MGST1: variants seen among roughly 807,000 people sequenced by gnomAD.
MGST1 encodes microsomal glutathione S-transferase 1, also known as glutathione S-transferase 12.
A neutral mutation model predicts 8.9 loss-of-function variants in MGST1; 5 were observed. The ratio of observed to expected loss-of-function variants is 0.56; its 90% CI spans 0.29 to 1.19. The LOEUF (loss-of-function observed/expected upper bound fraction) is 1.19. MGST1 is among the 50% of genes most tolerant of loss of function. MGST1 has a pLI of 0.08. For missense variants in MGST1, 182 were observed against 187.4 expected, an observed-to-expected ratio of 0.97 and a Z score of 0.17; for synonymous variants, 54 against 67.8, an observed-to-expected ratio of 0.80 and a Z score of 1.00.
At chr12:16,472,574 T>C (rs558324544) in intron 4 of MGST1, among the ~76,000 whole-genome samples, 41 of 152,260 alleles carry the variant, frequency 2.7e-4, no homozygotes, top group Non-Finnish European at 5.6e-4. Flanking sequence ...ATTTCCAGCC[T>C]CCAGAATGAT....
Position 16,401,786 on chromosome 12 carries a change from A to G in MGST1, n.778+18182A>G, listed in dbSNP as rs539943681. On this transcript the variant is annotated intron_variant and non_coding_transcript_variant, in intron 1 of 1. Transcript: ENST00000359720. This position sits in a 1 kb window ranked among gnomAD's most constrained non-coding sequence, Gnocchi z 4.3. ...CAGACTCAGCCAGTTTGCTGTGTCA[A>G]ACTTTCTCATCTGCATCAACTATTT... 8.7e-6 allele frequency: 14 copies of G among 1,603,000 alleles called. No homozygotes were observed. The highest frequency in any genetic ancestry group is 6.7e-5 in the African/African-American group (5 of 74,846).
chr12:16,402,844 C>A (rs145892602), intron 1 of MGST1, among the ~76,000 whole-genome samples: 5 of 151,202 alleles, frequency 3.3e-5, no homozygotes, highest in Admixed American at 3.3e-4. Flanking sequence ...CCACTGTTTG[C>A]CGCATTATGT....
intron 4 of MGST1, among the ~76,000 whole-genome samples, chr12:16,572,953 T>C (rs1366478533): frequency 6.6e-6 from 1 of 151,750 alleles, no homozygotes; most frequent in Non-Finnish European, 1.5e-5. Flanking sequence ...AAATAGGAAA[T>C]TATAAATATG....
chr12:16,563,330 C>T (rs1942470511), intron 4 of MGST1, among the ~76,000 whole-genome samples: 1 of 151,910 alleles, frequency 6.6e-6, no homozygotes, highest in African/African-American at 2.4e-5. Flanking sequence ...TGGGACAAAC[C>T]CAGGATTCTC....
chr12:16,358,779 CTTTTTTTTTTT>C (rs35081887), intron 3 of MGST1, among the ~76,000 whole-genome samples: 6 of 57,574 alleles, frequency 1.0e-4, no homozygotes, highest in Admixed American at 2.6e-4. Flanking sequence ...AAATTCATTC[CTTTTTTTTTTT>C]TTTTTTTTTT....
At chr12:16,567,068 C>T (rs986636038) in intron 4 of MGST1, among the ~76,000 whole-genome samples, 5 of 152,052 alleles carry the variant, frequency 3.3e-5, no homozygotes, top group Non-Finnish European at 5.9e-5. Context: ...TGTTGGCAGG[C>T]GCCTGTATTT....
chr12:16,500,901 C>T lies in MGST1; in HGVS notation n.483-88627C>T, dbSNP rs532509306. Among the ~76,000 whole-genome samples the T allele has an allele frequency of 5.3e-5, 8 of 151,992 alleles. No homozygotes were observed. The highest frequency in any genetic ancestry group is 7.4e-5 in the Non-Finnish European group (5 of 67,978). ...CAGGCGGATCACAAGGTCAAGAGAT[C>T]GAGACCATCCTGGCCAAAATGGTGA... On this transcript the variant is annotated intron_variant and non_coding_transcript_variant, in intron 4 of 4. Coordinates refer to the MGST1 transcript ENST00000538857. This position sits in a 1 kb window ranked among gnomAD's most constrained non-coding sequence, Gnocchi z 4.3.
intron 4 of MGST1, among the ~76,000 whole-genome samples, chr12:16,448,573 G>A (rs1028356941): frequency 2.0e-5 from 3 of 151,846 alleles, no homozygotes; most frequent in Non-Finnish European, 4.4e-5. Flanking sequence ...AAATTCAGAA[G>A]ACTTGTCTGG....
chr12:16,451,815 T>C (rs1223572370), intron 4 of MGST1, among the ~76,000 whole-genome samples: 1 of 151,916 alleles, frequency 6.6e-6, no homozygotes, highest in East Asian at 1.9e-4. Flanking sequence ...TTTCAATAAG[T>C]AATCAATTTG....
intron 1 of MGST1, among the ~76,000 whole-genome samples, chr12:16,422,825 A>T (rs867176472): frequency 6.6e-6 from 1 of 152,160 alleles, no homozygotes; most frequent in Admixed American, 6.5e-5. Context: ...CCTTTCCTGT[A>T]TATGAGCTCC....
In MGST1 at chr12:16,416,920, G is replaced by T. The variant is rs575843069; in HGVS notation, n.779-20468G>T. Among the ~76,000 whole-genome samples the T allele has an allele frequency of 6.6e-5, 10 of 152,130 alleles. No individual in the cohort carries two copies. In the South Asian group the frequency reaches 1.0e-3, roughly 16 times the overall value. On this transcript the variant is annotated intron_variant and non_coding_transcript_variant, in intron 1 of 1. Transcript: ENST00000359720. ...CAACTGCAGTATATCCAGATCAAAA[G>T]TGTGGACCAAAAGCATGCATTGGAA...
downstream of MGST1, among the ~76,000 whole-genome samples, chr12:16,366,057 T>C (rs1940182350): frequency 6.6e-6 from 1 of 152,132 alleles, no homozygotes; most frequent in African/African-American, 2.4e-5. This position sits in a 1 kb window ranked among gnomAD's most constrained non-coding sequence, Gnocchi z 4.0. Context: ...CTTCTCTGAG[T>C]AGAAGCAGAA....
chr12:16,363,681 T>C lies in MGST1; in HGVS notation c.222-114T>C, dbSNP rs923806477. 7 of 889,298 alleles carry C rather than the reference T, an allele frequency of 7.9e-6. No individual in the cohort carries two copies. In the African/African-American group the frequency reaches 1.0e-4, roughly 13 times the overall value. 55.1% of individuals were successfully genotyped at this position (889,298 alleles called of 1,614,324 possible). A position where few individuals can be genotyped will look rare whatever the true frequency, so the allele number is the denominator to read the frequency against. On this transcript the variant is annotated intron_variant, in intron 3 of 3. Coordinates refer to ENST00000396210, the MANE Select transcript of MGST1 (RefSeq NM_020300.5). This position sits in a 1 kb window ranked among gnomAD's most constrained non-coding sequence, Gnocchi z 4.6. ...TTGAGAGAAAAAAAATAAATCTTAC[T>C]TTGAAATTTAAGGATCCATTAGTGC...
chr12:16,571,230 G>T (rs1198324632), intron 4 of MGST1, among the ~76,000 whole-genome samples: 10 of 152,184 alleles, frequency 6.6e-5, no homozygotes, highest in Non-Finnish European at 1.5e-4. Context: ...TGTTATCACA[G>T]ATATTCATCC....
chr12:16,507,566 A>G (rs1237416770), intron 4 of MGST1, among the ~76,000 whole-genome samples: 1 of 152,140 alleles, frequency 6.6e-6, no homozygotes, highest in Non-Finnish European at 1.5e-5. Context: ...GAGACTGGGT[A>G]ATTTATGAAG....
At chr12:16,445,725 A>C (rs916635661) in intron 4 of MGST1, among the ~76,000 whole-genome samples, 13 of 151,974 alleles carry the variant, frequency 8.6e-5, no homozygotes, top group Non-Finnish European at 1.6e-4. Flanking sequence ...GGCAGCTATA[A>C]TCAGGGCTAC....
chr12:16,399,237 C>G, intron 1 of MGST1: 1 of 1,555,442 alleles, frequency 6.4e-7, no homozygotes, highest in South Asian at 1.1e-5. Flanking sequence ...CAGGGTTTGG[C>G]TAGAGGAAGA....
intron 1 of MGST1, among the ~76,000 whole-genome samples, chr12:16,436,507 C>G (rs192716001): frequency 2.9e-4 from 43 of 149,822 alleles, no homozygotes; most frequent in African/African-American, 1.0e-3. Flanking sequence ...GCTTGGCACT[C>G]AATAGAAACT....
chr12:16,545,496 A>G lies in MGST1; in HGVS notation n.483-44032A>G, dbSNP rs887808507. ...AGTTTTAAAATATCAAAGACAAATA[A>G]CATACTCATTCTGGAAGTAATACCA... On this transcript the variant is annotated intron_variant and non_coding_transcript_variant, in intron 4 of 4. Transcript: ENST00000538857. Among the ~76,000 whole-genome samples, 5 of 152,042 alleles carry G rather than the reference A, an allele frequency of 3.3e-5. No individual in the cohort carries two copies. The East Asian group carries it at 9.6e-4, about 29-fold the overall frequency.
Sources: gnomAD v4.1 joint callset for allele counts (sites outside exome capture counted in the v4.1 genomes callset) on GRCh38, gnomAD v4.1.1 for gene constraint, Gnocchi (gnomAD v3.1) non-coding constraint, MANE v1.5 for transcripts, NCBI Gene and HGNC (gene_info 2026-07-23, HGNC 2026-07-21) for gene names.